The following VIPR2 variants were observed in gnomAD, a reference collection of about 807,000 sequenced individuals.
VIPR2 encodes vasoactive intestinal peptide receptor 2.
VIPR2 carries 48 observed loss-of-function variants against 58.0 expected under a neutral mutation model. That is an observed-to-expected ratio of 0.83 (90% CI 0.66 to 1.05). The LOEUF (loss-of-function observed/expected upper bound fraction) is 1.05, where lower values mean the gene tolerates loss of function less well. Ranked by LOEUF, VIPR2 falls within the 50% of genes least tolerant of loss-of-function variation. The probability of loss-of-function intolerance (pLI) is 0.00; values close to 1 mark genes in which losing one functional copy is unlikely to be tolerated. For synonymous variants in VIPR2, 243 were observed against 235.2 expected (o/e 1.03, Z -0.30); for missense variants, 534 against 558.0 (o/e 0.96, Z 0.43).
At chr7:159,078,065 A>G (rs1392478731) in intron 4 of VIPR2, among the ~76,000 whole-genome samples, 1 of 152,254 alleles carries the variant, frequency 6.6e-6, no homozygotes, top group Non-Finnish European at 1.5e-5. Context: ...CATGGACAAC[A>G]TTCATGCCTG....
intron 4 of VIPR2, among the ~76,000 whole-genome samples, chr7:159,074,100 T>C (rs1299638818): frequency 6.6e-6 from 1 of 152,208 alleles, no homozygotes; most frequent in African/African-American, 2.4e-5. Context: ...AAAACAAAAC[T>C]GTTGCTTGTG....
intron 4 of VIPR2, among the ~76,000 whole-genome samples, chr7:159,072,615 G>A (rs972042074): frequency 6.6e-6 from 1 of 152,176 alleles, no homozygotes; most frequent in Admixed American, 6.5e-5. Flanking sequence ...CTTCCTGGAC[G>A]ACAGGCCCAT....
rs1012662070 is a variant in VIPR2 at position 159,128,489 on chromosome 7, T to C, written c.151+13957A>G. ...CCTCCTGCCTTGGGCCTCCCACCTGTGTGCTGGGACCCCTTCACCCTCCCT... is the reference window on the plus strand; with the variant it reads ...CCTCCTGCCTTGGGCCTCCCACCTGCGTGCTGGGACCCCTTCACCCTCCCT... On this transcript the variant is annotated intron_variant, in intron 2 of 12. Transcript: ENST00000262178. This position sits in a 1 kb window ranked among gnomAD's most constrained non-coding sequence, Gnocchi z 4.1. 6.6e-6 allele frequency among the ~76,000 whole-genome samples: 1 copy of C among 152,180 alleles called. No homozygotes were observed. The highest frequency in any genetic ancestry group is 2.4e-5 in the African/African-American group (1 of 41,440).
Position 159,053,150 on chromosome 7 carries a change from C to G in VIPR2, c.455+5331G>C, listed in dbSNP as rs113634303. Among the ~76,000 whole-genome samples, 92 of 151,986 alleles carry G rather than the reference C, an allele frequency of 6.1e-4. 1 individual carries two copies. Among genetic ancestry groups the G allele is most frequent in the Non-Finnish European group, 2.9e-4 (20 of 68,004 alleles). On this transcript the variant is annotated intron_variant, in intron 5 of 12. Transcript: ENST00000262178. ...TTTCCTTCTAAGACAGGGTGTCTCA[C>G]TCTGTCGCCCAGGCTGGTCTCAAAC...
At chr7:159,079,507 A>C (rs1856800399) in intron 4 of VIPR2, among the ~76,000 whole-genome samples, 1 of 152,244 alleles carries the variant, frequency 6.6e-6, no homozygotes, top group African/African-American at 2.4e-5. Context: ...AAATGCCCAC[A>C]AGAGAAAGCA....
chr7:159,142,501 C>G lies in VIPR2; in HGVS notation c.96G>C (p.Gln32His). The part of the protein sequence containing the change: ...HPECRFHLEI[Q>H]EEETKCAELL... ...GCTCTGCACATTTTGTTTCTTCCTC[C>G]TGTATTTCCAGATGAAATCGGCATT... Residue 32 changes from glutamine (Q) to histidine (H), a missense_variant, in exon 2 of 13, where the codon CAG becomes CAC. Gln to His is a conservative substitution (Grantham distance 24). Transcript: ENST00000262178. The G allele has an allele frequency of 1.2e-6, 2 of 1,614,038 alleles. No individual in the cohort carries two copies. Among genetic ancestry groups the G allele is most frequent in the Non-Finnish European group, 1.7e-6 (2 of 1,180,010 alleles).
In VIPR2 at chr7:159,131,033, C is replaced by T. The variant is rs1027143510; in HGVS notation, c.151+11413G>A. Among the ~76,000 whole-genome samples the T allele has an allele frequency of 1.2e-4, 18 of 152,258 alleles. No individual in the cohort carries two copies. In the South Asian group the frequency reaches 1.5e-3, roughly 12 times the overall value. On this transcript the variant is annotated intron_variant, in intron 2 of 12. Coordinates refer to ENST00000262178, the MANE Select transcript of VIPR2 (RefSeq NM_003382.5). ...TCTTCCAGACAGAATGCGCTGCCTC[C>T]GCCCAGTTCATCTACATGCAGAAAC...
intron 2 of VIPR2, among the ~76,000 whole-genome samples, chr7:159,117,748 T>G (rs1309732875): frequency 6.6e-6 from 1 of 152,186 alleles, no homozygotes; most frequent in Non-Finnish European, 1.5e-5. Flanking sequence ...GAAGCCACCC[T>G]GCTGCTGTCA....
At chr7:159,036,085 C>A in intron 7 of VIPR2, 73 bp from the exon 8 acceptor site, 1 of 1,519,282 alleles carries the variant, frequency 6.6e-7, no homozygotes, top group Non-Finnish European at 8.9e-7. Context: ...CCTTCACCAG[C>A]AAAACCCTCA....
rs773072977 is a variant in VIPR2, at chr7:159,028,584, T to C, written c.*2032A>G. 1 of 152,390 alleles carries C rather than the reference T, an allele frequency of 6.6e-6. No individual in the cohort carries two copies. Among genetic ancestry groups the C allele is most frequent in the Non-Finnish European group, 1.5e-5 (1 of 68,152 alleles). 9.4% of individuals were successfully genotyped at this position (152,390 alleles called of 1,614,324 possible). A position where few individuals can be genotyped will look rare whatever the true frequency, so the allele number is the denominator to read the frequency against. On this transcript the variant is annotated 3_prime_UTR_variant, in exon 13 of 13. Transcript: ENST00000262178. ...ACCTTCAGTTACCACAAATCTTTGT[T>C]TCCTCAAAAACCTGAGAGTAGGTGG...
intron 4 of VIPR2, among the ~76,000 whole-genome samples, chr7:159,074,825 G>GAACA (rs1421873302): frequency 6.6e-6 from 1 of 151,922 alleles, no homozygotes; most frequent in African/African-American, 2.4e-5. Context: ...CTGTCACAAT[G>GAACA]AACAAACAAA....
intron 1 of VIPR2, chr7:159,144,435 C>G (rs1171663262): frequency 1.3e-6 from 2 of 1,547,262 alleles, no homozygotes; most frequent in African/African-American, 2.7e-5. Context: ...GTTGACGCGT[C>G]CAGGAAGAAA....
At chr7:159,038,014 C>T (rs977460849) in intron 6 of VIPR2, among the ~76,000 whole-genome samples, 3 of 152,154 alleles carry the variant, frequency 2.0e-5, no homozygotes, top group Non-Finnish European at 4.4e-5. Context: ...TAACAGATGG[C>T]TATCCCTATA....
At chr7:159,133,338 T>G (rs150733528) in intron 2 of VIPR2, among the ~76,000 whole-genome samples, 1 of 151,794 alleles carries the variant, frequency 6.6e-6, no homozygotes, top group Non-Finnish European at 1.5e-5. Flanking sequence ...CAGGCAACTA[T>G]GCCCACAGCT....
intron 7 of VIPR2, 53 bp downstream of exon 7, chr7:159,036,699 T>G (rs540938977): frequency 1.3e-6 from 2 of 1,560,834 alleles, no homozygotes; most frequent in South Asian, 2.4e-5. Context: ...TTTGCGTTGT[T>G]TGGTCCGATG....
At chr7:159,061,753 A>G (rs569549901) in intron 4 of VIPR2, among the ~76,000 whole-genome samples, 3 of 152,372 alleles carry the variant, frequency 2.0e-5, no homozygotes, top group Admixed American at 2.0e-4. Context: ...AGGGTTGAGA[A>G]AGCGGGAGAA....
Position 159,130,402 on chromosome 7 carries a change from C to A in VIPR2, c.151+12044G>T, listed in dbSNP as rs144460343. Among the ~76,000 whole-genome samples the A allele has an allele frequency of 4.4e-3, 672 of 152,288 alleles. 6 individuals carry two copies. Among genetic ancestry groups the A allele is most frequent in the African/African-American group, 0.016 (646 of 41,548 alleles). ...ACAAGATATGCAACTTCCCCAGTTA[C>A]CCCTGCAGATGACATCACTATTATG... On this transcript the variant is annotated intron_variant, in intron 2 of 12. Transcript: ENST00000262178.
intron 2 of VIPR2, among the ~76,000 whole-genome samples, chr7:159,139,701 T>C (rs113061362): frequency 8.1e-4 from 124 of 152,368 alleles, no homozygotes; most frequent in African/African-American, 2.8e-3. Context: ...CTCAGAACAG[T>C]GAGCTCCCAG....
At chr7:159,063,380 G>A (rs1209970995) in intron 4 of VIPR2, among the ~76,000 whole-genome samples, 3 of 152,092 alleles carry the variant, frequency 2.0e-5, no homozygotes, top group Admixed American at 1.3e-4. Context: ...CTGCTGGCCC[G>A]GGTGCTAAGC....
Sources: allele counts gnomAD v4.1 joint callset (sites outside exome capture counted in the v4.1 genomes callset), GRCh38; gene constraint gnomAD v4.1.1; non-coding constraint Gnocchi (gnomAD v3.1); transcripts MANE v1.5; gene names NCBI Gene and HGNC (gene_info 2026-07-23, HGNC 2026-07-21).